Variants in CTNNA3 observed in about 807,000 individuals in gnomAD.
CTNNA3 encodes catenin alpha 3, also known as catenin alpha-3.
A neutral mutation model predicts 95.7 loss-of-function variants in CTNNA3; 76 were observed. That is an observed-to-expected ratio of 0.79 (90% CI 0.66 to 0.96). The LOEUF (loss-of-function observed/expected upper bound fraction) is 0.96, where lower values mean the gene tolerates loss of function less well. Among genes scored for constraint, CTNNA3 ranks in the 40% least tolerant of loss-of-function variants. The probability of loss-of-function intolerance (pLI) is 0.00; values close to 1 mark genes in which losing one functional copy is unlikely to be tolerated. For synonymous variants in CTNNA3, 431 were observed against 374.4 expected (o/e 1.15, Z -1.74); for missense variants, 1,191 against 1,089.8 (o/e 1.09, Z -1.31).
intron 7 of CTNNA3, among the ~76,000 whole-genome samples, chr10:66,848,769 A>G (rs914272814): frequency 6.6e-6 from 1 of 152,200 alleles, no homozygotes; most frequent in Admixed American, 6.5e-5. Context: ...TTGGACACCA[A>G]ATAGATATTT....
chr10:67,709,619 C>A (rs960347657), intron 1 of CTNNA3, among the ~76,000 whole-genome samples: 1 of 151,996 alleles, frequency 6.6e-6, no homozygotes, highest in Admixed American at 6.6e-5. Flanking sequence ...CCAACCCTCC[C>A]GCTCCATATC....
intron 9 of CTNNA3, among the ~76,000 whole-genome samples, chr10:66,742,456 C>T (rs1199761003): frequency 6.6e-6 from 1 of 152,064 alleles, no homozygotes; most frequent in Non-Finnish European, 1.5e-5. Context: ...CCTCCATTTG[C>T]CTTGTGATAT....
chr10:67,722,985 C>CTTT (rs141498050), intron 1 of CTNNA3, among the ~76,000 whole-genome samples: 2 of 118,656 alleles, frequency 1.7e-5, no homozygotes, highest in Non-Finnish European at 3.4e-5. Context: ...TCTTTCAGCT[C>CTTT]TTTTTTTTTT....
At position 66,633,549 on chromosome 10, in the gene CTNNA3, G is replaced by A. The variant is rs60534625; in HGVS notation, c.1282-11765C>T. Among the ~76,000 whole-genome samples, 545 of 151,970 alleles carry A rather than the reference G, an allele frequency of 3.6e-3. 6 individuals are homozygous for A. Among genetic ancestry groups the A allele is most frequent in the African/African-American group, 0.012 (495 of 41,454 alleles). ...CAAAAAATTAGCCGGGTGTGGTGGC[G>A]GGCACTTGTAGTCCCAGCTACTTGG... On this transcript the variant is annotated intron_variant, in intron 9 of 17. Coordinates refer to ENST00000433211, the MANE Select transcript of CTNNA3 (RefSeq NM_013266.4).
chr10:66,935,389 G>A (rs566756687), intron 7 of CTNNA3, among the ~76,000 whole-genome samples: 11 of 152,160 alleles, frequency 7.2e-5, no homozygotes, highest in South Asian at 2.1e-4. Flanking sequence ...AAAATTCAGC[G>A]CTTTGAGATT....
intron 10 of CTNNA3, among the ~76,000 whole-genome samples, chr10:66,543,652 T>C (rs909844043): frequency 2.0e-5 from 3 of 151,664 alleles, no homozygotes; most frequent in African/African-American, 7.2e-5. Flanking sequence ...GAATTACATT[T>C]CTAAAGATAG....
chr10:66,967,254 T>C (rs1425795693), intron 7 of CTNNA3, among the ~76,000 whole-genome samples: 1 of 151,902 alleles, frequency 6.6e-6, no homozygotes, highest in Non-Finnish European at 1.5e-5. Flanking sequence ...AATTAAAACA[T>C]TGTCTTATAT....
intron 11 of CTNNA3, among the ~76,000 whole-genome samples, chr10:66,464,214 CTAAAAT>C (rs1838805216): frequency 6.6e-6 from 1 of 151,996 alleles, no homozygotes; most frequent in African/African-American, 2.4e-5. Context: ...AAAATTTCAA[CTAAAAT>C]TATTTCCAGT....
At chr10:66,790,099 A>C (rs1840907991) in intron 7 of CTNNA3, among the ~76,000 whole-genome samples, 1 of 152,180 alleles carries the variant, frequency 6.6e-6, no homozygotes, top group Non-Finnish European at 1.5e-5. Context: ...CCCTATCTCC[A>C]GGACTATGAC....
intron 5 of CTNNA3, among the ~76,000 whole-genome samples, chr10:67,348,413 C>G (rs1221793498): frequency 6.6e-6 from 1 of 152,132 alleles, no homozygotes; most frequent in Non-Finnish European, 1.5e-5. Context: ...GTCCATTCTG[C>G]ATTGCCATAA....
chr10:66,914,130 CTTTTT>C (rs3056545), intron 7 of CTNNA3, among the ~76,000 whole-genome samples: 1 of 120,270 alleles, frequency 8.3e-6, no homozygotes, highest in Non-Finnish European at 1.7e-5. Context: ...AGGGTGCCTT[CTTTTT>C]TTTTTTTTTT....
At chr10:67,315,329 A>T (rs1321566608) in intron 5 of CTNNA3, among the ~76,000 whole-genome samples, 1 of 152,142 alleles carries the variant, frequency 6.6e-6, no homozygotes, top group Non-Finnish European at 1.5e-5. Context: ...TATTCAGCAA[A>T]TTGATTGACA....
At chr10:66,991,943 C>G (rs938446766) in intron 7 of CTNNA3, among the ~76,000 whole-genome samples, 1 of 152,154 alleles carries the variant, frequency 6.6e-6, no homozygotes, top group Admixed American at 6.6e-5. Flanking sequence ...ACCTTCATAC[C>G]TCCCCTTTCA....
At chr10:66,119,391 A>G (rs1006331148) in intron 13 of CTNNA3, among the ~76,000 whole-genome samples, 2 of 152,208 alleles carry the variant, frequency 1.3e-5, no homozygotes, top group Admixed American at 6.5e-5. Context: ...TAGACACCCT[A>G]CAAGCTGTTC....
At chr10:67,446,767 A>C (rs796193420) in intron 5 of CTNNA3, among the ~76,000 whole-genome samples, 19 of 152,198 alleles carry the variant, frequency 1.2e-4, no homozygotes, top group African/African-American at 4.6e-4. Flanking sequence ...TTTTTGTGGA[A>C]GGATAATAGC....
At chr10:66,527,155 A>G (rs1382933016) in intron 10 of CTNNA3, among the ~76,000 whole-genome samples, 1 of 152,158 alleles carries the variant, frequency 6.6e-6, no homozygotes, top group Non-Finnish European at 1.5e-5. Context: ...TTGTTTTCCC[A>G]GCACCAATTG....
intron 1 of CTNNA3, among the ~76,000 whole-genome samples, chr10:67,652,530 C>T (rs377280179): frequency 6.6e-6 from 1 of 152,084 alleles, no homozygotes; most frequent in East Asian, 1.9e-4. Flanking sequence ...TTAGGTAATA[C>T]AAGGTTTAAT....
chr10:66,244,208 G>A (rs2090217583), intron 13 of CTNNA3, among the ~76,000 whole-genome samples: 1 of 152,170 alleles, frequency 6.6e-6, no homozygotes, highest in South Asian at 2.1e-4. Context: ...TTTGTCTTGT[G>A]GTTTGAGTGC....
intron 3 of CTNNA3, among the ~76,000 whole-genome samples, chr10:67,581,210 A>G (rs551523108): frequency 6.6e-6 from 1 of 152,014 alleles, no homozygotes; most frequent in Non-Finnish European, 1.5e-5. Context: ...ATAAATAGCT[A>G]TTATTATTTT....
Sources: gnomAD v4.1 joint callset for allele counts (sites outside exome capture counted in the v4.1 genomes callset) on GRCh38, gnomAD v4.1.1 for gene constraint, MANE v1.5 for transcripts, NCBI Gene and HGNC (gene_info 2026-07-23, HGNC 2026-07-21) for gene names.